Variants in C14orf132 observed in about 807,000 individuals in gnomAD.
The protein encoded by C14orf132 is uncharacterized protein C14orf132.
A neutral mutation model predicts 5.8 loss-of-function variants in C14orf132; 6 were observed. The observed-to-expected ratio is 1.03, with a 90% CI of 0.57 to 2.04. The LOEUF is 2.04. Among genes scored for constraint, C14orf132 ranks in the 30% most tolerant of loss-of-function variants. The pLI, the probability that C14orf132 is intolerant of heterozygous loss-of-function variation, is 0.00. For missense variants in C14orf132, 125 were observed against 115.8 expected (o/e 1.08, Z -0.37); for synonymous variants, 51 against 49.8 (o/e 1.02, Z -0.10).
chr14:96,089,305 G>C lies in C14orf132; in HGVS notation c.*2570G>C, dbSNP rs1353995470. ...TGTCCAGGTGCCACTAGACTTGCAT[G>C]CACACTAACTCCTTACAATCACCAC... On this transcript the variant is annotated 3_prime_UTR_variant, in exon 2 of 2. Coordinates refer to ENST00000555004, the MANE Select transcript of C14orf132 (RefSeq NM_001252507.3). 6.6e-6 allele frequency: 1 copy of C among 152,364 alleles called. No homozygotes were observed. The allele number at this position is 152,364 out of a possible 1,614,324, so 9.4% of individuals were successfully genotyped here.
chr14:96,053,896 C>G (rs915072846), intron 1 of C14orf132, among the ~76,000 whole-genome samples: 1 of 152,180 alleles, frequency 6.6e-6, no homozygotes, highest in Non-Finnish European at 1.5e-5. Flanking sequence ...AACACTAAAG[C>G]GTCTGTCGCA....
At chr14:96,065,844 A>C (rs1482935065) in intron 1 of C14orf132, among the ~76,000 whole-genome samples, 1 of 152,200 alleles carries the variant, frequency 6.6e-6, no homozygotes, top group Non-Finnish European at 1.5e-5. Context: ...GGTTCCAATG[A>C]CACTGCTGAA....
intron 1 of C14orf132, among the ~76,000 whole-genome samples, chr14:96,062,646 C>A (rs1887394431): frequency 6.6e-6 from 1 of 152,164 alleles, no homozygotes; most frequent in African/African-American, 2.4e-5. Context: ...GGTTCACATC[C>A]TCGCAATTCC....
rs369821457 is a variant in C14orf132 at position 96,086,603 on chromosome 14, G to A, written c.120G>A (p.Ala40=). 4.0e-4 allele frequency: 615 copies of A among 1,536,122 alleles called. 3 individuals are homozygous for A. The African/African-American group carries it at 6.3e-3, about 16-fold the overall frequency. The part of the protein sequence containing the change: ...SLFNSSANVH[A]AANGQGQPED... The stretch of plus-strand genomic sequence containing the variant: ...TTAACTCCTCTGCCAATGTCCACGC[G>A]GCTGCCAATGGCCAGGGCCAGCCGG... Residue 40 remains alanine (A), a synonymous_variant, in exon 2 of 2, where the codon GCG becomes GCA. Coordinates refer to ENST00000555004, the MANE Select transcript of C14orf132 (RefSeq NM_001252507.3).
chr14:96,074,425 A>G (rs1887800071), intron 1 of C14orf132, among the ~76,000 whole-genome samples: 1 of 152,200 alleles, frequency 6.6e-6, no homozygotes, highest in Admixed American at 6.5e-5. Flanking sequence ...TGTTGGATCT[A>G]ATAACTCTGC....
chr14:96,092,366 A>T lies in C14orf132; in HGVS notation c.*5631A>T, dbSNP rs796682162. 1.1e-4 allele frequency: 16 copies of T among 152,142 alleles called. No homozygotes were observed. The highest frequency in any genetic ancestry group is 3.6e-4 in the African/African-American group (15 of 41,508). The allele number at this position is 152,142 out of a possible 1,614,324, so 9.4% of individuals were successfully genotyped here. On this transcript the variant is annotated 3_prime_UTR_variant, in exon 2 of 2. Coordinates refer to ENST00000555004, the MANE Select transcript of C14orf132 (RefSeq NM_001252507.3). ...GCTGATTTCCTGCCTCCCCAAGAGG[A>T]GGTTTGAGCCCCATTCTGCCTTGGA...
At chr14:96,048,103 G>T (rs1201558494) in intron 1 of C14orf132, among the ~76,000 whole-genome samples, 1 of 152,108 alleles carries the variant, frequency 6.6e-6, no homozygotes. Context: ...CAGGAGAATC[G>T]CTTGAACCTG....
rs901676235 is a variant in C14orf132, at chr14:96,039,392, C to G, written c.-109C>G. The G allele has an allele frequency of 1.8e-6, 2 of 1,117,960 alleles. No individual in the cohort carries two copies. The highest frequency in any genetic ancestry group is 2.4e-6 in the Non-Finnish European group (2 of 845,436). 69.3% of individuals were successfully genotyped at this position (1,117,960 alleles called of 1,614,324 possible). ...CCCAGAGACAGCCGAGTGCGCCGTGCGGTCTCCGGACGCTCGCTGCTCAGC... is the reference window on the plus strand; with the variant it reads ...CCCAGAGACAGCCGAGTGCGCCGTGGGGTCTCCGGACGCTCGCTGCTCAGC... On this transcript the variant is annotated 5_prime_UTR_variant, in exon 1 of 2. Transcript: ENST00000555004. The surrounding 1 kb of genome is among the most constrained non-coding windows in gnomAD (Gnocchi z 5.3).
At chr14:96,070,778 A>T (rs1887685425) in intron 1 of C14orf132, among the ~76,000 whole-genome samples, 1 of 152,096 alleles carries the variant, frequency 6.6e-6, no homozygotes, top group Non-Finnish European at 1.5e-5. Flanking sequence ...AGTTCTGAAG[A>T]TTCCAATGGA....
At chr14:96,051,558 A>C (rs1201945058) in intron 1 of C14orf132, among the ~76,000 whole-genome samples, 1 of 152,188 alleles carries the variant, frequency 6.6e-6, no homozygotes, top group Admixed American at 6.5e-5. Context: ...GATTAGAAAT[A>C]TATTAAGACT....
rs894881174 is a variant in C14orf132 at position 96,089,876 on chromosome 14, C to G, written c.*3141C>G. The G allele has an allele frequency of 6.6e-6, 1 of 152,264 alleles. No individual in the cohort carries two copies. The highest frequency in any genetic ancestry group is 2.4e-5 in the African/African-American group (1 of 41,414). The allele number at this position is 152,264 out of a possible 1,614,324, so 9.4% of individuals were successfully genotyped here. On this transcript the variant is annotated 3_prime_UTR_variant, in exon 2 of 2. Coordinates refer to ENST00000555004, the MANE Select transcript of C14orf132 (RefSeq NM_001252507.3). ...ACAGCCAGAAGTGCAGAGTCAGAGTCCTGGGACCATCTTGTTCTGCAAGGT... is the reference window on the plus strand; with the variant it reads ...ACAGCCAGAAGTGCAGAGTCAGAGTGCTGGGACCATCTTGTTCTGCAAGGT...
intron 1 of C14orf132, among the ~76,000 whole-genome samples, chr14:96,061,955 C>T (rs1887371068): frequency 6.6e-6 from 1 of 152,268 alleles, no homozygotes; most frequent in South Asian, 2.1e-4. Context: ...AACATCTCAA[C>T]ATAATTCCAC....
intron 1 of C14orf132, among the ~76,000 whole-genome samples, chr14:96,044,094 G>A (rs186693318): frequency 6.6e-6 from 1 of 152,370 alleles, no homozygotes; most frequent in South Asian, 2.1e-4. Flanking sequence ...AGCTGGGGGG[G>A]CCAGGGACCC....
chr14:96,059,363 G>T (rs1406555161), intron 1 of C14orf132, among the ~76,000 whole-genome samples: 1 of 152,178 alleles, frequency 6.6e-6, no homozygotes, highest in Non-Finnish European at 1.5e-5. Context: ...AAACAGCTTT[G>T]CAAATATAAC....
intron 1 of C14orf132, among the ~76,000 whole-genome samples, chr14:96,064,900 T>C (rs1187122930): frequency 2.0e-5 from 3 of 152,214 alleles, no homozygotes; most frequent in East Asian, 1.9e-4. Flanking sequence ...GCATTTTCCA[T>C]GCTGGGATTC....
chr14:96,064,627 G>T (rs1348387912), intron 1 of C14orf132, among the ~76,000 whole-genome samples: 1 of 151,680 alleles, frequency 6.6e-6, no homozygotes, highest in African/African-American at 2.4e-5. Context: ...CTAAGCTGTG[G>T]GGATGCAAAG....
chr14:96,045,552 A>G (rs1886810290), intron 1 of C14orf132, among the ~76,000 whole-genome samples: 1 of 152,222 alleles, frequency 6.6e-6, no homozygotes, highest in Admixed American at 6.5e-5. Context: ...GAGCTTGGCC[A>G]GCCTGGCCTG....
At chr14:96,080,104 A>G (rs1297526520) in intron 1 of C14orf132, among the ~76,000 whole-genome samples, 3 of 152,198 alleles carry the variant, frequency 2.0e-5, no homozygotes, top group Non-Finnish European at 4.4e-5. Flanking sequence ...ATATGGCAAT[A>G]TTTGCCACAC....
intron 1 of C14orf132, among the ~76,000 whole-genome samples, chr14:96,058,320 G>A (rs2139655598): frequency 6.6e-6 from 1 of 152,098 alleles, no homozygotes; most frequent in South Asian, 2.1e-4. Flanking sequence ...TATTCCATTG[G>A]AATAAAGATC....
Sources: allele counts gnomAD v4.1 joint callset (sites outside exome capture counted in the v4.1 genomes callset), GRCh38; gene constraint gnomAD v4.1.1; non-coding constraint Gnocchi (gnomAD v3.1); transcripts MANE v1.5; gene names NCBI Gene and HGNC (gene_info 2026-07-23, HGNC 2026-07-21).